Variants in PTK2 observed in about 807,000 individuals in gnomAD.
The protein encoded by PTK2 is focal adhesion kinase 1.
Under a neutral mutation model 150.1 loss-of-function variants are expected in PTK2, and 45 were observed. The ratio of observed to expected loss-of-function variants is 0.30; its 90% CI spans 0.24 to 0.38. The LOEUF (loss-of-function observed/expected upper bound fraction) is 0.38, where lower values mean the gene tolerates loss of function less well. Ranked by LOEUF, PTK2 falls within the 10% of genes least tolerant of loss-of-function variation. The probability of loss-of-function intolerance (pLI) is 1.00; values close to 1 mark genes in which losing one functional copy is unlikely to be tolerated. For missense variants in PTK2, 919 were observed against 1,307.3 expected (o/e 0.70, Z 4.58); for synonymous variants, 432 against 449.2 (o/e 0.96, Z 0.48).
At chr8:140,779,556 C>T (rs983057820) in intron 14 of PTK2, among the ~76,000 whole-genome samples, 2 of 152,108 alleles carry the variant, frequency 1.3e-5, no homozygotes, top group Non-Finnish European at 2.9e-5. Context: ...TATCAGTGCC[C>T]TCCAGAGTTT....
At chr8:140,894,254 G>GA (rs1038289226) in intron 2 of PTK2, among the ~76,000 whole-genome samples, 1 of 151,894 alleles carries the variant, frequency 6.6e-6, no homozygotes, top group African/African-American at 2.4e-5. Context: ...CTGAAAACTG[G>GA]AAAAAAAGGG....
At position 140,981,823 on chromosome 8, in the gene PTK2, G is replaced by A. The variant is rs141146182; in HGVS notation, c.-122+19302C>T. 4.7e-3 allele frequency among the ~76,000 whole-genome samples: 713 copies of A among 152,188 alleles called. 3 individuals are homozygous for A. Among genetic ancestry groups the A allele is most frequent in the Non-Finnish European group, 5.1e-3 (350 of 68,016 alleles). On this transcript the variant is annotated intron_variant, in intron 1 of 31. Transcript: ENST00000522684. ...GAATGTTTACTGTCTAGCCCTTCAC[G>A]AAGAAAGTCTGCTAGCCCCTGACCT...
chr8:140,762,580 T>C (rs1297219535), intron 15 of PTK2, among the ~76,000 whole-genome samples, 192 bp from the exon 18 acceptor site: 1 of 152,214 alleles, frequency 6.6e-6, no homozygotes, highest in Non-Finnish European at 1.5e-5. Context: ...AACTCAATGT[T>C]AGTTAAACAA....
At chr8:140,666,282 G>A (rs1031800286) in intron 30 of PTK2, among the ~76,000 whole-genome samples, 3 of 152,128 alleles carry the variant, frequency 2.0e-5, no homozygotes, top group Non-Finnish European at 4.4e-5. Context: ...GGGTTGCAGT[G>A]AACCAAGATC....
intron 27 of PTK2, among the ~76,000 whole-genome samples, chr8:140,686,061 G>A (rs1480472625): frequency 6.6e-6 from 1 of 152,194 alleles, no homozygotes; most frequent in Non-Finnish European, 1.5e-5. Context: ...GCCACAAAAA[G>A]AATGAGATCA....
chr8:140,829,905 G>A (rs2100114295), intron 8 of PTK2, among the ~76,000 whole-genome samples: 1 of 152,076 alleles, frequency 6.6e-6, no homozygotes, highest in South Asian at 2.1e-4. Flanking sequence ...TGTGTGCTCT[G>A]GATTAGCTGG....
At chr8:140,951,116 CTG>C (rs2154609099) in intron 1 of PTK2, among the ~76,000 whole-genome samples, 1 of 152,252 alleles carries the variant, frequency 6.6e-6, no homozygotes, top group African/African-American at 2.4e-5. Context: ...GCCTTCCTTT[CTG>C]TCCATCACCT....
chr8:140,742,243 C>A (rs2100056143), intron 20 of PTK2, among the ~76,000 whole-genome samples: 2 of 152,194 alleles, frequency 1.3e-5, no homozygotes, highest in Non-Finnish European at 2.9e-5. Context: ...GCAATCAATA[C>A]AACCAGCCGC....
At chr8:140,713,970 C>T (rs968985377) in intron 23 of PTK2, among the ~76,000 whole-genome samples, 2 of 152,150 alleles carry the variant, frequency 1.3e-5, no homozygotes, top group African/African-American at 4.8e-5. Flanking sequence ...CTCCATGCAG[C>T]CTAGACCTCC....
intron 27 of PTK2, among the ~76,000 whole-genome samples, chr8:140,681,650 G>A (rs138133473): frequency 0.016 from 2,438 of 152,132 alleles, 67 homozygotes; most frequent in African/African-American, 0.056. Context: ...GGTGGCGGGC[G>A]CCTGTAGTCG....
chr8:140,774,748 A>T (rs560575851), intron 14 of PTK2, among the ~76,000 whole-genome samples: 1 of 152,362 alleles, frequency 6.6e-6, no homozygotes, highest in African/African-American at 2.4e-5. Flanking sequence ...CAAGATGGTG[A>T]CAAAAGTGAC....
intron 14 of PTK2, among the ~76,000 whole-genome samples, chr8:140,780,570 C>G (rs1471507099): frequency 2.0e-5 from 3 of 152,188 alleles, no homozygotes. Flanking sequence ...ATTTCTTCAA[C>G]AGAGTAATTG....
chr8:140,851,317 T>A (rs1284027830), intron 5 of PTK2, among the ~76,000 whole-genome samples: 1 of 152,248 alleles, frequency 6.6e-6, no homozygotes, highest in Non-Finnish European at 1.5e-5. Flanking sequence ...TCATTTAACA[T>A]AGTATTTAAC....
At chr8:140,877,715 G>C (rs911635673) in intron 4 of PTK2, among the ~76,000 whole-genome samples, 1 of 151,926 alleles carries the variant, frequency 6.6e-6, no homozygotes, top group African/African-American at 2.4e-5. Context: ...CTTTCATCTA[G>C]TAGGGTCAAT....
chr8:140,741,159 T>A (rs933256704), intron 20 of PTK2, among the ~76,000 whole-genome samples: 1 of 144,210 alleles, frequency 6.9e-6, no homozygotes, highest in Admixed American at 6.9e-5. Flanking sequence ...ATGTTTTAAT[T>A]TAAAAAATTA....
chr8:140,666,776 A>T (rs2092235752), intron 30 of PTK2, among the ~76,000 whole-genome samples: 1 of 152,242 alleles, frequency 6.6e-6, no homozygotes, highest in Non-Finnish European at 1.5e-5. Flanking sequence ...GTATACACTC[A>T]AAAGAAGTGA....
At chr8:140,711,615 A>C (rs981440096) in intron 23 of PTK2, among the ~76,000 whole-genome samples, 1 of 152,174 alleles carries the variant, frequency 6.6e-6, no homozygotes. Context: ...GTTTCATTTA[A>C]ACTTTACCAA....
At chr8:140,889,042 TA>T (rs2100153316) in intron 3 of PTK2, among the ~76,000 whole-genome samples, 2 of 151,116 alleles carry the variant, frequency 1.3e-5, no homozygotes, top group South Asian at 4.2e-4. Context: ...AAGTTAAAAG[TA>T]AAACACAGAA....
At chr8:140,670,488 AACACACACAC>A (rs57247522) in intron 29 of PTK2, among the ~76,000 whole-genome samples, 482 of 38,984 alleles carry the variant, frequency 0.012, 41 homozygotes, top group African/African-American at 0.029. Flanking sequence ...AAAAAACAAC[AACACACACAC>A]ACACACACAC....
Sources: gnomAD v4.1 joint callset for allele counts (sites outside exome capture counted in the v4.1 genomes callset) on GRCh38, gnomAD v4.1.1 for gene constraint, MANE v1.5 for transcripts, NCBI Gene and HGNC (gene_info 2026-07-23, HGNC 2026-07-21) for gene names.